Variants in PLPP3 observed in about 807,000 individuals in gnomAD.
The protein encoded by PLPP3 is phospholipid phosphatase 3, also known as PAP2 beta.
PLPP3 carries 6 observed loss-of-function variants against 29.6 expected under a neutral mutation model. That is an observed-to-expected ratio of 0.20 (90% CI 0.11 to 0.40). PLPP3 has a LOEUF of 0.40. PLPP3 is among the 10% of genes least tolerant of loss of function. The probability of loss-of-function intolerance (pLI) is 1.00; values close to 1 mark genes in which losing one functional copy is unlikely to be tolerated. For synonymous variants in PLPP3, 152 were observed against 159.7 expected (o/e 0.95, Z 0.36); for missense variants, 308 against 407.7 (o/e 0.76, Z 2.11).
At chr1:56,552,239 A>G (rs1646044501) in intron 1 of PLPP3, among the ~76,000 whole-genome samples, 1 of 151,764 alleles carries the variant, frequency 6.6e-6, no homozygotes, top group Admixed American at 6.6e-5. Flanking sequence ...AAAAAAAAAA[A>G]AGAAAGAAGG....
chr1:56,571,166 C>G (rs1646195126), intron 1 of PLPP3, among the ~76,000 whole-genome samples: 1 of 152,222 alleles, frequency 6.6e-6, no homozygotes, highest in Non-Finnish European at 1.5e-5. Context: ...TCCTCTTTCA[C>G]TGTCACTGGA....
At chr1:56,548,891 A>G (rs1646021907) in intron 1 of PLPP3, among the ~76,000 whole-genome samples, 1 of 151,886 alleles carries the variant, frequency 6.6e-6, no homozygotes, top group Non-Finnish European at 1.5e-5. Flanking sequence ...ATTTAAGGCT[A>G]TACCAAAAAA....
intron 1 of PLPP3, among the ~76,000 whole-genome samples, chr1:56,555,424 G>A (rs761788786): frequency 2.3e-5 from 2 of 87,518 alleles, no homozygotes; most frequent in Admixed American, 1.6e-4. Flanking sequence ...GAGAAGGAAG[G>A]CCAAACACTA....
At chr1:56,529,688 G>A (rs1645874516) in intron 2 of PLPP3, among the ~76,000 whole-genome samples, 1 of 152,156 alleles carries the variant, frequency 6.6e-6, no homozygotes. Context: ...AGCGTCTTTA[G>A]TAACTAGAAA....
intron 1 of PLPP3, among the ~76,000 whole-genome samples, chr1:56,578,042 C>CT (rs1184250912): frequency 2.6e-5 from 4 of 152,104 alleles, no homozygotes; most frequent in African/African-American, 9.7e-5. Flanking sequence ...ACTCCAATTC[C>CT]TTTAACTCCC....
chr1:56,579,147 G>A lies in PLPP3; in HGVS notation c.-131C>T. On this transcript the variant is annotated 5_prime_UTR_variant, in exon 1 of 6. Transcript: ENST00000371250. ...TGGCGGGTCGGCCCCGGCTCCGGGC[G>A]CGGCGGCTAGAGTGCAGCCGGGGCT... 7.7e-7 allele frequency: 1 copy of A among 1,291,124 alleles called. No homozygotes were observed. The highest frequency in any genetic ancestry group is 1.5e-5 in the South Asian group (1 of 65,352). 80.0% of individuals were successfully genotyped at this position (1,291,124 alleles called of 1,614,324 possible).
chr1:56,538,866 C>G (rs1167878293), intron 1 of PLPP3: 1 of 151,696 alleles, frequency 6.6e-6, no homozygotes, highest in Non-Finnish European at 1.4e-5. Flanking sequence ...TTGTGAGAAC[C>G]AAGGGGAAGG....
chr1:56,560,752 A>C (rs1189417086), intron 1 of PLPP3, among the ~76,000 whole-genome samples: 2 of 151,900 alleles, frequency 1.3e-5, no homozygotes, highest in Non-Finnish European at 2.9e-5. Context: ...TAACAAAGTT[A>C]AGATGTAAAC....
At chr1:56,543,158 A>C (rs1036617950) in intron 1 of PLPP3, among the ~76,000 whole-genome samples, 8 of 152,232 alleles carry the variant, frequency 5.3e-5, no homozygotes, top group African/African-American at 1.9e-4. Context: ...TAAAATGCAG[A>C]GCTAGCAATG....
chr1:56,557,012 G>GGAA lies in PLPP3; in HGVS notation c.140-19901_140-19900insTTC, dbSNP rs1557513521. On this transcript the variant is annotated intron_variant, in intron 1 of 5. Coordinates refer to ENST00000371250, the MANE Select transcript of PLPP3 (RefSeq NM_003713.5). Reference sequence around the variant, plus strand: ...AAAGAAAGAAAGAAAGAAAGAAAGAGAGAGAGAGAGAGAAAGAGAGAGAGA... The same window carrying GGAA: ...AAAGAAAGAAAGAAAGAAAGAAAGAGGAAAGAGAGAGAGAGAAAGAGAGAGAGA... Among the ~76,000 whole-genome samples the GGAA allele has an allele frequency of 6.8e-3, 62 of 9,096 alleles. 3 individuals carry two copies. Among genetic ancestry groups the GGAA allele is most frequent in the Admixed American group, 0.013 (9 of 686 alleles). The allele number at this position is 9,096 out of a possible 152,430, so 6.0% of individuals were successfully genotyped here. A position where few individuals can be genotyped will look rare whatever the true frequency, so the allele number is the denominator to read the frequency against.
intron 2 of PLPP3, among the ~76,000 whole-genome samples, chr1:56,525,551 A>G (rs1232729648): frequency 2.0e-5 from 3 of 152,140 alleles, no homozygotes; most frequent in African/African-American, 7.2e-5. Flanking sequence ...CATCATTTAC[A>G]TTAAGGATGG....
intron 2 of PLPP3, among the ~76,000 whole-genome samples, chr1:56,532,292 T>C (rs1645894886): frequency 6.6e-6 from 1 of 152,128 alleles, no homozygotes; most frequent in Non-Finnish European, 1.5e-5. Flanking sequence ...TCTCTGTTGG[T>C]GGTCTTGGTA....
chr1:56,551,694 C>G (rs1646040771), intron 1 of PLPP3, among the ~76,000 whole-genome samples: 1 of 152,206 alleles, frequency 6.6e-6, no homozygotes, highest in Non-Finnish European at 1.5e-5. Context: ...TAGAATGGGT[C>G]TTGGCGAATT....
chr1:56,538,979 G>GAA (rs1553138011), intron 1 of PLPP3: 1 of 64,366 alleles, frequency 1.6e-5, no homozygotes. Flanking sequence ...AAACACAGTG[G>GAA]ATAATACAGC....
rs138951575 is a variant in PLPP3 at position 56,505,186 on chromosome 1, G to A, written c.810+6790C>T. 3.3e-3 allele frequency among the ~76,000 whole-genome samples: 500 copies of A among 152,240 alleles called. 3 individuals are homozygous for A. The highest frequency in any genetic ancestry group is 0.011 in the African/African-American group (472 of 41,536). On this transcript the variant is annotated intron_variant, in intron 5 of 5. Coordinates refer to ENST00000371250, the MANE Select transcript of PLPP3 (RefSeq NM_003713.5). ...CTTTAAACAAAGCATAGTACTTAAC[G>A]CACAATTCACAATCAATATGTTGCA...
intron 1 of PLPP3, among the ~76,000 whole-genome samples, chr1:56,551,154 A>G (rs901063843): frequency 1.3e-5 from 2 of 152,192 alleles, no homozygotes; most frequent in African/African-American, 4.8e-5. Context: ...CACTTACAGT[A>G]TATACATATT....
intron 1 of PLPP3, among the ~76,000 whole-genome samples, chr1:56,543,385 C>T (rs1368516367): frequency 6.6e-6 from 1 of 152,178 alleles, no homozygotes; most frequent in Non-Finnish European, 1.5e-5. Flanking sequence ...TTTGAACCCA[C>T]ATCTGTCTGT....
intron 1 of PLPP3, among the ~76,000 whole-genome samples, chr1:56,572,355 G>C (rs990038114): frequency 6.6e-6 from 1 of 152,064 alleles, no homozygotes. Context: ...TGGCCTTGCT[G>C]TTCTTTTAGT....
chr1:56,551,289 TGGTTCGGTTCGGTTCGGTTC>T (rs1169681447), intron 1 of PLPP3, among the ~76,000 whole-genome samples: 1 of 149,004 alleles, frequency 6.7e-6, no homozygotes, highest in African/African-American at 2.5e-5. Context: ...GGGTTTGGTT[TGGTTCGGTTCGGTTCGGTTC>T]GGTTCGGTTC....
Sources: gnomAD v4.1 joint callset for allele counts (sites outside exome capture counted in the v4.1 genomes callset) on GRCh38, gnomAD v4.1.1 for gene constraint, MANE v1.5 for transcripts, NCBI Gene and HGNC (gene_info 2026-07-23, HGNC 2026-07-21) for gene names.